FAT3: variants seen among roughly 807,000 people sequenced by gnomAD.
The protein encoded by FAT3 is protocadherin Fat 3.
Under a neutral mutation model 310.2 loss-of-function variants are expected in FAT3, and 95 were observed. The observed-to-expected ratio is 0.31, with a 90% CI of 0.26 to 0.36. The LOEUF is 0.36. Among genes scored for constraint, FAT3 ranks in the 10% least tolerant of loss-of-function variants. The probability of loss-of-function intolerance (pLI) is 1.00; values close to 1 mark genes in which losing one functional copy is unlikely to be tolerated. For missense variants in FAT3, 5,408 were observed against 5,715.6 expected (o/e 0.95, Z 1.74); for synonymous variants, 2,314 against 2,192.9 (o/e 1.06, Z -1.54).
chr11:92,630,814 G>A (rs1941530828), intron 3 of FAT3, among the ~76,000 whole-genome samples: 1 of 152,100 alleles, frequency 6.6e-6, no homozygotes, highest in Admixed American at 6.5e-5. Context: ...CACCCCTATT[G>A]AATGCTTAAC....
In FAT3 at chr11:92,867,021, G is replaced by T. The variant is rs750975647; in HGVS notation, c.11939G>T (p.Ser3980Ile). 2 of 1,594,018 alleles carry T rather than the reference G, an allele frequency of 1.3e-6. No homozygotes were observed. Among genetic ancestry groups the T allele is most frequent in the Non-Finnish European group, 1.7e-6 (2 of 1,170,400 alleles). ...GACACGCGGGTCACGCAGGTGCTCA[G>T]CGGCTTCCAGGGCTGCCTGGACTCG... is the stretch of plus-strand genomic sequence containing the variant. ...LTDTRVTQVLSGFQGCLDSVI... is the reference protein window; with the variant it reads ...LTDTRVTQVLIGFQGCLDSVI... The change falls in exon 22 of 28, where the codon AGC (serine) becomes ATC (isoleucine). Residue 3980 changes from serine to isoleucine, a missense_variant. By Grantham distance (142) the Ser-to-Ile change is moderately radical. Transcript: ENST00000525166.
chr11:92,705,932 A>ATGC (rs1565527939), intron 4 of FAT3, among the ~76,000 whole-genome samples: 2 of 93,368 alleles, frequency 2.1e-5, no homozygotes, highest in African/African-American at 7.5e-5. Flanking sequence ...TGGTGGTGTG[A>ATGC]TGGTGGTGAT....
At chr11:92,425,844 A>G (rs1046712196) in intron 2 of FAT3, among the ~76,000 whole-genome samples, 11 of 152,188 alleles carry the variant, frequency 7.2e-5, no homozygotes, top group African/African-American at 2.7e-4. Flanking sequence ...CAGTAAACAT[A>G]TGTGTGCATG....
intron 1 of FAT3, among the ~76,000 whole-genome samples, chr11:92,235,097 A>G (rs1864364127): frequency 6.6e-6 from 1 of 151,688 alleles, no homozygotes; most frequent in African/African-American, 2.4e-5. Flanking sequence ...AATTCTGGAC[A>G]GAAGGGCCAG....
At chr11:92,746,229 G>T (rs1170519483) in intron 4 of FAT3, among the ~76,000 whole-genome samples, 5 of 152,190 alleles carry the variant, frequency 3.3e-5, no homozygotes, top group African/African-American at 1.2e-4. Context: ...AAGGAAAGAG[G>T]TTTAATTAAG....
chr11:92,716,974 T>A (rs1258585582), intron 4 of FAT3, among the ~76,000 whole-genome samples: 1 of 147,864 alleles, frequency 6.8e-6, no homozygotes, highest in Non-Finnish European at 1.5e-5. Context: ...ATCAAGATTC[T>A]GCCATATATT....
intron 2 of FAT3, among the ~76,000 whole-genome samples, chr11:92,505,123 T>C (rs1354938340): frequency 1.3e-5 from 2 of 151,912 alleles, no homozygotes; most frequent in Admixed American, 1.3e-4. Context: ...GGAGATGAGG[T>C]AGGACAGAAG....
rs1031153460 is a variant in FAT3, at chr11:92,354,707, A to G, written c.2595A>G (p.Glu865=). The change falls in exon 2 of 28, where the codon GAA becomes GAG. Residue 865 remains glutamate (E), a synonymous_variant. Coordinates refer to ENST00000525166, the MANE Select transcript of FAT3 (RefSeq NM_001367949.2). ...ARDKDLGSNG[E]VTYSVLTDTQ... is the part of the protein sequence containing the mutation. ...ACAAAGACTTAGGTTCTAATGGTGAAGTGACTTACTCAGTCTTGACAGATA... is the reference window on the plus strand; with the variant it reads ...ACAAAGACTTAGGTTCTAATGGTGAGGTGACTTACTCAGTCTTGACAGATA... 1.9e-6 allele frequency: 3 copies of G among 1,613,908 alleles called. No homozygotes were observed. In the African/African-American group the frequency reaches 4.0e-5, roughly 22 times the overall value.
At chr11:92,259,046 A>T (rs1336469952) in intron 1 of FAT3, among the ~76,000 whole-genome samples, 1 of 151,916 alleles carries the variant, frequency 6.6e-6, no homozygotes. Context: ...TTGGGCAGGA[A>T]AGAGCTATGG....
intron 2 of FAT3, among the ~76,000 whole-genome samples, chr11:92,518,871 T>G (rs1953588462): frequency 6.6e-6 from 1 of 152,106 alleles, no homozygotes. Flanking sequence ...ACCGAAACTA[T>G]AAAGCATTCC....
At chr11:92,645,517 T>A (rs1303471572) in intron 3 of FAT3, among the ~76,000 whole-genome samples, 1 of 151,856 alleles carries the variant, frequency 6.6e-6, no homozygotes, top group Non-Finnish European at 1.5e-5. Context: ...GGTAAACATC[T>A]TTTCATTATA....
rs1331394560 is a variant in FAT3 at position 92,609,896 on chromosome 11, T to G, written c.3607+84948T>G. On this transcript the variant is annotated intron_variant, in intron 3 of 27. Coordinates refer to ENST00000525166, the MANE Select transcript of FAT3 (RefSeq NM_001367949.2). ...CTACTTGAAATAGGCAGACTAAAACTATTTTTTGTTAGTAAGTAAAATTAA... is the reference window on the plus strand; with the variant it reads ...CTACTTGAAATAGGCAGACTAAAACGATTTTTTGTTAGTAAGTAAAATTAA... Among the ~76,000 whole-genome samples, 3 of 152,168 alleles carry G rather than the reference T, an allele frequency of 2.0e-5. No homozygotes were observed. The East Asian group carries it at 5.8e-4, about 29-fold the overall frequency.
chr11:92,613,213 G>A (rs947954497), intron 3 of FAT3, among the ~76,000 whole-genome samples: 2 of 152,042 alleles, frequency 1.3e-5, no homozygotes, highest in African/African-American at 2.4e-5. Flanking sequence ...TCCTTTGGTC[G>A]AGAAGACTTT....
At chr11:92,788,721 C>T (rs1440750925) in intron 7 of FAT3, among the ~76,000 whole-genome samples, 1 of 152,010 alleles carries the variant, frequency 6.6e-6, no homozygotes, top group Non-Finnish European at 1.5e-5. Flanking sequence ...CTTAGCAAGC[C>T]TTTTAAATCA....
At chr11:92,663,200 G>C (rs529151471) in intron 3 of FAT3, among the ~76,000 whole-genome samples, 1 of 152,298 alleles carries the variant, frequency 6.6e-6, no homozygotes, top group Non-Finnish European at 1.5e-5. Context: ...GGTAGAAAGG[G>C]AATTCCAAGC....
chr11:92,409,565 G>C (rs893799884), intron 2 of FAT3, among the ~76,000 whole-genome samples: 4 of 152,080 alleles, frequency 2.6e-5, no homozygotes, highest in Non-Finnish European at 4.4e-5. Context: ...GTCAGTTGGT[G>C]CTATTTAATG....
At chr11:92,874,374 A>C (rs954484405) in intron 22 of FAT3, among the ~76,000 whole-genome samples, 3 of 152,310 alleles carry the variant, frequency 2.0e-5, no homozygotes, top group African/African-American at 4.8e-5. Context: ...AAAATTGTCC[A>C]TCTCACTGTA....
At chr11:92,341,270 T>C (rs149447389) in intron 1 of FAT3, among the ~76,000 whole-genome samples, 50 of 152,338 alleles carry the variant, frequency 3.3e-4, no homozygotes, top group African/African-American at 1.2e-3. Flanking sequence ...CTCAGGATTC[T>C]GCAGCCTCGG....
chr11:92,687,177 C>A (rs977978000), intron 3 of FAT3, among the ~76,000 whole-genome samples: 1 of 152,110 alleles, frequency 6.6e-6, no homozygotes, highest in African/African-American at 2.4e-5. Context: ...GCTTTTTAAA[C>A]AGCATCTGAG....
Sources: allele counts gnomAD v4.1 joint callset (sites outside exome capture counted in the v4.1 genomes callset), GRCh38; gene constraint gnomAD v4.1.1; transcripts MANE v1.5; gene names NCBI Gene and HGNC (gene_info 2026-07-23, HGNC 2026-07-21).